Variants in SLC44A5 observed in about 807,000 individuals in gnomAD.
SLC44A5 encodes the protein solute carrier family 44 member 5, also known as choline transporter-like protein 5.
Under a neutral mutation model 101.8 loss-of-function variants are expected in SLC44A5, and 57 were observed. The observed-to-expected ratio is 0.56, with a 90% CI of 0.45 to 0.70. The LOEUF is 0.70. Ranked by LOEUF, SLC44A5 falls within the 30% of genes least tolerant of loss-of-function variation. The pLI is 0.00. For synonymous variants in SLC44A5, 281 were observed against 290.9 expected, an observed-to-expected ratio of 0.97 and a Z score of 0.35; for missense variants, 737 against 853.1, an observed-to-expected ratio of 0.86 and a Z score of 1.70.
At chr1:75,537,033 A>AAAAAAAAAAATATATATATATAT (rs35829590) in intron 2 of SLC44A5, among the ~76,000 whole-genome samples, 1 of 43,044 alleles carries the variant, frequency 2.3e-5, no homozygotes, top group African/African-American at 5.4e-5. Context: ...AAAAAAAAAA[A>AAAAAAAAAAATATATATATATAT]ATATATATCT....
chr1:75,411,512 T>C (rs1424449712), intron 2 of SLC44A5, among the ~76,000 whole-genome samples: 1 of 152,020 alleles, frequency 6.6e-6, no homozygotes, highest in Non-Finnish European at 1.5e-5. Flanking sequence ...TGAAAGAGCA[T>C]GAAGTACCAA....
At chr1:75,648,191 C>A in the SLC44A5 span, among the ~76,000 whole-genome samples, 1 of 152,218 alleles carries the variant, frequency 6.6e-6, no homozygotes, top group East Asian at 1.9e-4. Context: ...TTTTAAGGGG[C>A]TTTTTCCCAC....
chr1:75,211,198 C>T (rs1646845962), intron 23 of SLC44A5, among the ~76,000 whole-genome samples: 1 of 152,206 alleles, frequency 6.6e-6, no homozygotes, highest in Admixed American at 6.5e-5. Flanking sequence ...CTCTGGTCAT[C>T]ACCCCTCTAC....
At chr1:75,615,575 G>T (rs1675843036), upstream of SLC44A5, among the ~76,000 whole-genome samples, 4 of 151,774 alleles carry the variant, frequency 2.6e-5, no homozygotes, top group South Asian at 8.3e-4. Context: ...GCAACAGATA[G>T]ATACCCAAGC....
At position 75,219,842 on chromosome 1, in the gene SLC44A5, A is replaced by C; in HGVS notation, c.1136T>G (p.Ile379Ser). ...STLVYPALTF[I>S]LLSICICYWV... is the part of the protein sequence containing the mutation. ...GTAGCAAATGCAGATTGAGAGCAAA[A>C]TGAAAGTTAAAGCTGGATAGACTAA... Residue 379 changes from isoleucine to serine, a missense_variant, in exon 15 of 24, where the codon ATT becomes AGT. Ile to Ser is a moderately radical substitution (Grantham distance 142, BLOSUM62 -2). Transcript: ENST00000370859. 1 of 1,613,062 alleles carries C rather than the reference A, an allele frequency of 6.2e-7. No homozygotes were observed. Among genetic ancestry groups the C allele is most frequent in the Non-Finnish European group, 8.5e-7 (1 of 1,179,328 alleles).
intron 3 of SLC44A5, among the ~76,000 whole-genome samples, chr1:75,363,436 CT>C: frequency 6.6e-6 from 1 of 152,016 alleles, no homozygotes; most frequent in East Asian, 1.9e-4. Context: ...TCTTTTCTTT[CT>C]GTTTTGTGAA....
chr1:75,235,959 A>G (rs185185290), intron 11 of SLC44A5, among the ~76,000 whole-genome samples: 2 of 152,214 alleles, frequency 1.3e-5, no homozygotes, highest in Admixed American at 6.6e-5. Flanking sequence ...GTGTAAACAC[A>G]CACATGTACA....
At chr1:75,676,117 C>T in the SLC44A5 span, among the ~76,000 whole-genome samples, 32,859 of 151,990 alleles carry the variant, frequency 0.22, 4,465 homozygotes, top group Middle Eastern at 0.36. Context: ...ATTAGTTCAA[C>T]TATTCTGGAA....
chr1:75,614,986 C>A (rs1051814690), upstream of SLC44A5, among the ~76,000 whole-genome samples: 78 of 152,104 alleles, frequency 5.1e-4, no homozygotes, highest in Non-Finnish European at 2.2e-4. Flanking sequence ...CTGCTCCCCG[C>A]GCGCCGGCTC....
chr1:75,208,694 C>A (rs1557521813), intron 23 of SLC44A5, among the ~76,000 whole-genome samples: 1 of 151,924 alleles, frequency 6.6e-6, no homozygotes, highest in Non-Finnish European at 1.5e-5. Flanking sequence ...GAATGTAACC[C>A]CCATGGATAA....
At chr1:75,457,361 A>G (rs1419144939) in intron 2 of SLC44A5, among the ~76,000 whole-genome samples, 8 of 152,154 alleles carry the variant, frequency 5.3e-5, no homozygotes, top group Non-Finnish European at 4.4e-5. Flanking sequence ...AACAGAAATG[A>G]ACCTTCTGAT....
At chr1:75,683,580 G>A in the SLC44A5 span, among the ~76,000 whole-genome samples, 1 of 152,064 alleles carries the variant, frequency 6.6e-6, no homozygotes, top group Admixed American at 6.6e-5. Flanking sequence ...AACAGGAAGG[G>A]GAACATCACT....
intron 4 of SLC44A5, among the ~76,000 whole-genome samples, chr1:75,315,366 C>A (rs2100932271): frequency 6.6e-6 from 1 of 152,184 alleles, no homozygotes; most frequent in East Asian, 1.9e-4. Context: ...TAAATTATCC[C>A]AATAATATTT....
chr1:75,303,957 T>C (rs971676683), intron 4 of SLC44A5, among the ~76,000 whole-genome samples: 16 of 152,034 alleles, frequency 1.1e-4, no homozygotes, highest in African/African-American at 3.6e-4. Flanking sequence ...AGTATAATAA[T>C]TAAAAAAATA....
intron 3 of SLC44A5, 54 bp downstream of exon 3, chr1:75,396,529 T>G: frequency 2.2e-6 from 3 of 1,373,844 alleles, no homozygotes; most frequent in Non-Finnish European, 3.1e-6. Flanking sequence ...TATTTCTCAA[T>G]GGATAGACTG....
At chr1:75,316,204 C>A (rs1164022354) in intron 4 of SLC44A5, among the ~76,000 whole-genome samples, 1 of 152,198 alleles carries the variant, frequency 6.6e-6, no homozygotes, top group African/African-American at 2.4e-5. Flanking sequence ...TCACATACAA[C>A]CTTTGCATTC....
chr1:75,489,944 A>G (rs748689510), intron 2 of SLC44A5, among the ~76,000 whole-genome samples: 1 of 152,120 alleles, frequency 6.6e-6, no homozygotes, highest in Non-Finnish European at 1.5e-5. Context: ...AGGTGATATT[A>G]TTATATGTTC....
chr1:75,348,131 TTC>T (rs144447936), intron 3 of SLC44A5, among the ~76,000 whole-genome samples: 12 of 150,064 alleles, frequency 8.0e-5, no homozygotes, highest in East Asian at 1.9e-4. Context: ...GTAGGCTCCC[TTC>T]TCTCTCTCTC....
chr1:75,541,482 G>A lies in SLC44A5; in HGVS notation c.-35C>T, dbSNP rs113213731. 4.4e-3 allele frequency: 7,047 copies of A among 1,608,976 alleles called. 269 individuals carry two copies. In the African/African-American group the frequency reaches 0.083, roughly 19 times the overall value. On this transcript the variant is annotated 5_prime_UTR_variant, in exon 2 of 24. Transcript: ENST00000370859. ...AGGCTGTCTCTTCAGAAGTAGGCCT[G>A]AATCACTGCAAACTTGAGTTGCTTA...
Sources: gnomAD v4.1 joint callset for allele counts (sites outside exome capture counted in the v4.1 genomes callset) on GRCh38, gnomAD v4.1.1 for gene constraint, MANE v1.5 for transcripts, NCBI Gene and HGNC (gene_info 2026-07-23, HGNC 2026-07-21) for gene names.